Variants in CASS4 observed in about 807,000 individuals in gnomAD.
CASS4 encodes the protein cas scaffolding protein family member 4.
CASS4 carries 22 observed loss-of-function variants against 54.2 expected under a neutral mutation model. The observed-to-expected ratio is 0.41, with a 90% CI of 0.29 to 0.58. CASS4 has a LOEUF of 0.58. Among genes scored for constraint, CASS4 ranks in the 20% least tolerant of loss-of-function variants. The probability of loss-of-function intolerance (pLI) is 0.36; values close to 1 mark genes in which losing one functional copy is unlikely to be tolerated. For synonymous variants in CASS4, 409 were observed against 391.5 expected (o/e 1.04, Z -0.53); for missense variants, 854 against 986.7 (o/e 0.87, Z 1.80).
intron 1 of CASS4, among the ~76,000 whole-genome samples, chr20:56,423,899 T>A (rs988647491): frequency 1.3e-5 from 2 of 152,164 alleles, no homozygotes; most frequent in Non-Finnish European, 2.9e-5. Flanking sequence ...CAATTCACAC[T>A]TCCAGTTAAG....
chr20:56,449,863 T>C (rs1416861043), intron 3 of CASS4, among the ~76,000 whole-genome samples: 2 of 152,064 alleles, frequency 1.3e-5, no homozygotes, highest in Non-Finnish European at 2.9e-5. Context: ...ATATGAATGA[T>C]AAAACAGGAA....
intron 5 of CASS4, among the ~76,000 whole-genome samples, chr20:56,455,975 C>T (rs1198142638): frequency 1.3e-5 from 2 of 151,262 alleles, no homozygotes; most frequent in Non-Finnish European, 2.9e-5. Context: ...CATGGCTGGG[C>T]CCCGCTCTCA....
At chr20:56,427,665 C>T (rs967916927) in intron 1 of CASS4, among the ~76,000 whole-genome samples, 1 of 152,280 alleles carries the variant, frequency 6.6e-6, no homozygotes, top group East Asian at 1.9e-4. Flanking sequence ...CTCCTACATC[C>T]ATGGAAATCC....
rs540558188 is a variant in CASS4 at position 56,430,278 on chromosome 20, C to G, written c.37-6886C>G. On this transcript the variant is annotated intron_variant, in intron 1 of 5. Transcript: ENST00000679887. This position sits in a 1 kb window ranked among gnomAD's most constrained non-coding sequence, Gnocchi z 4.2. ...TATTCTTCACGTTTGTTTCCCTATC[C>G]TCCTCCTGTTCTTCCTTCCAAATGC... Among the ~76,000 whole-genome samples, 1 of 152,346 alleles carries G rather than the reference C, an allele frequency of 6.6e-6. No homozygotes were observed. Among genetic ancestry groups the G allele is most frequent in the East Asian group, 1.9e-4 (1 of 5,190 alleles).
Position 56,415,110 on chromosome 20 carries a change from C to G in CASS4, c.36+2616C>G, listed in dbSNP as rs578041118. 7.4e-4 allele frequency among the ~76,000 whole-genome samples: 113 copies of G among 152,284 alleles called. 1 individual carries two copies. Among genetic ancestry groups the G allele is most frequent in the African/African-American group, 2.7e-3 (111 of 41,564 alleles). On this transcript the variant is annotated intron_variant, in intron 1 of 5. Coordinates refer to ENST00000679887, the MANE Select transcript of CASS4 (RefSeq NM_020356.4). Reference sequence around the variant, plus strand: ...ACTAAGCTCAGAGCTCCATTCTTAGCTCATTATATTCTCTCCCTTGTACCA... The same window carrying G: ...ACTAAGCTCAGAGCTCCATTCTTAGGTCATTATATTCTCTCCCTTGTACCA...
Position 56,437,521 on chromosome 20 carries a change from G to T in CASS4, c.394G>T (p.Glu132Ter), listed in dbSNP as rs1484376120. The change falls in exon 2 of 6, where the codon GAA (glutamate) becomes TAA (stop). Residue 132 changes from glutamate (E) to a stop codon, truncating the protein, a stop_gained. Transcript: ENST00000679887. LOFTEE classifies it high-confidence loss of function. The surrounding 1 kb of genome is among the most constrained non-coding windows in gnomAD (Gnocchi z 4.7). ...CCAGCCCCCTACTGCCCAAGTCTAT[G>T]AATTCCCCGACCCTCCCACCAGTGC... is the stretch of plus-strand genomic sequence containing the variant. ...GPQPPTAQVY[E>*]FPDPPTSARI... 2 of 1,584,992 alleles carry T rather than the reference G, an allele frequency of 1.3e-6. No individual in the cohort carries two copies. The highest frequency in any genetic ancestry group is 1.7e-6 in the Non-Finnish European group (2 of 1,165,922).
chr20:56,446,656 C>T (rs1233011272), intron 3 of CASS4, among the ~76,000 whole-genome samples: 2 of 152,016 alleles, frequency 1.3e-5, no homozygotes, highest in East Asian at 3.9e-4. Flanking sequence ...TCTGCGGTGG[C>T]GTTCTCCCCA....
intron 1 of CASS4, among the ~76,000 whole-genome samples, chr20:56,415,059 C>T (rs965874902): frequency 2.0e-5 from 3 of 152,148 alleles, no homozygotes; most frequent in Non-Finnish European, 4.4e-5. Context: ...TAGTAGGTGG[C>T]AATGCCAGGA....
rs981537085 is a variant in CASS4, at chr20:56,460,125, C to T, written c.*1378C>T. The T allele has an allele frequency of 6.6e-6, 1 of 152,400 alleles. No individual in the cohort carries two copies. The allele number at this position is 152,400 out of a possible 1,614,324, so 9.4% of individuals were successfully genotyped here. ...ATAAATATATATTTTTGCTATGTTA[C>T]TTTAACCTAAAGATAGATGTTATAT... On this transcript the variant is annotated 3_prime_UTR_variant, in exon 6 of 6. Coordinates refer to ENST00000679887, the MANE Select transcript of CASS4 (RefSeq NM_020356.4).
intron 1 of CASS4, among the ~76,000 whole-genome samples, chr20:56,433,131 A>G (rs1481894474): frequency 6.6e-6 from 1 of 152,242 alleles, no homozygotes; most frequent in African/African-American, 2.4e-5. Context: ...TTACGTTCTT[A>G]TGGGGAGACA....
chr20:56,450,583 T>G lies in CASS4; in HGVS notation c.562-16T>G. The G allele has an allele frequency of 6.2e-7, 1 of 1,613,046 alleles. No homozygotes were observed. On this transcript the variant is annotated splice_polypyrimidine_tract_variant and intron_variant, in intron 3 of 5. Coordinates refer to ENST00000679887, the MANE Select transcript of CASS4 (RefSeq NM_020356.4). ...AAGAAACATTCAAGTTGTCTGCCTT[T>G]GTGGTCTTTCCCCAGGAGCCAGAGA...
chr20:56,453,131 T>C lies in CASS4; in HGVS notation c.1953+2T>C. On this transcript the variant is annotated splice_donor_variant, in intron 5 of 5. Transcript: ENST00000679887. LOFTEE classifies it high-confidence loss of function. Reference sequence around the variant, plus strand: ...AATAGGGCAAATATCTGTGGACAGGTGAGTTCAGAGTTCCAAGTGATCGAA... The same window carrying C: ...AATAGGGCAAATATCTGTGGACAGGCGAGTTCAGAGTTCCAAGTGATCGAA... The C allele has an allele frequency of 1.9e-6, 3 of 1,607,960 alleles. No individual in the cohort carries two copies. The highest frequency in any genetic ancestry group is 2.5e-6 in the Non-Finnish European group (3 of 1,176,706).
intron 2 of CASS4, among the ~76,000 whole-genome samples, chr20:56,438,363 G>A (rs574523494): frequency 6.6e-6 from 1 of 152,132 alleles, no homozygotes; most frequent in East Asian, 1.9e-4. Context: ...ATACAAGCAG[G>A]CAAATATATG....
Position 56,452,601 on chromosome 20 carries a change from C to A in CASS4, c.1425C>A (p.Asn475Lys), listed in dbSNP as rs757945426. 6.2e-7 allele frequency: 1 copy of A among 1,614,020 alleles called. No individual in the cohort carries two copies. The highest frequency in any genetic ancestry group is 1.3e-5 in the African/African-American group (1 of 74,912). ...GATTCCGAGACTATCTGGAGGCCAACATTGATGCAATCCACAGGTCCACTG... is the reference window on the plus strand; with the variant it reads ...GATTCCGAGACTATCTGGAGGCCAAAATTGATGCAATCCACAGGTCCACTG... ...KWRFRDYLEANIDAIHRSTDH... is the reference protein window; with the variant it reads ...KWRFRDYLEAKIDAIHRSTDH... The change falls in exon 5 of 6, where the codon AAC (asparagine) becomes AAA (lysine). Residue 475 changes from asparagine (N) to lysine (K), a missense_variant. Asn to Lys is a moderately conservative substitution (Grantham distance 94, BLOSUM62 0). Transcript: ENST00000679887.
chr20:56,458,432 G>T lies in CASS4; in HGVS notation c.2046G>T (p.Ala682=). 4 of 1,614,094 alleles carry T rather than the reference G, an allele frequency of 2.5e-6. No homozygotes were observed. The highest frequency in any genetic ancestry group is 3.4e-6 in the Non-Finnish European group (4 of 1,180,034). ...LSEHCRLYFG[A]LFKAISAFHG... ...AACACTGCCGGCTCTACTTTGGGGC[G>T]CTCTTCAAAGCCATCAGCGCATTTC... Residue 682 remains alanine (A), a synonymous_variant, in exon 6 of 6, where the codon GCG becomes GCT. Transcript: ENST00000679887.
At chr20:56,457,986 GC>G (rs1421461451) in intron 5 of CASS4, among the ~76,000 whole-genome samples, 1 of 135,894 alleles carries the variant, frequency 7.4e-6, no homozygotes, top group African/African-American at 2.8e-5. Context: ...TTGCACTCCA[GC>G]CTGGAAGATA....
chr20:56,425,215 T>C (rs1441663307), intron 1 of CASS4, among the ~76,000 whole-genome samples: 1 of 152,176 alleles, frequency 6.6e-6, no homozygotes, highest in Non-Finnish European at 1.5e-5. Flanking sequence ...CCCAGGAGCT[T>C]TGAGATCCTC....
chr20:56,456,302 C>T (rs1981292196), intron 5 of CASS4, among the ~76,000 whole-genome samples: 1 of 152,134 alleles, frequency 6.6e-6, no homozygotes, highest in South Asian at 2.1e-4. Flanking sequence ...TTTTTCACCT[C>T]CCTACGGTTA....
chr20:56,429,251 TCTTC>T (rs1979791288), intron 1 of CASS4, among the ~76,000 whole-genome samples: 3 of 152,062 alleles, frequency 2.0e-5, no homozygotes, highest in African/African-American at 7.2e-5. Flanking sequence ...TTCCCTCTCT[TCTTC>T]TTACTTTCCC....
Sources: allele counts gnomAD v4.1 joint callset (sites outside exome capture counted in the v4.1 genomes callset), GRCh38; gene constraint gnomAD v4.1.1; non-coding constraint Gnocchi (gnomAD v3.1); transcripts MANE v1.5; gene names NCBI Gene and HGNC (gene_info 2026-07-23, HGNC 2026-07-21).